LATS2: variants seen among roughly 807,000 people sequenced by gnomAD.
LATS2 encodes the protein serine/threonine-protein kinase LATS2.
In LATS2, 24 loss-of-function variants were observed where a neutral mutation model predicts 76.0. That is an observed-to-expected ratio of 0.32 (90% CI 0.23 to 0.44). The LOEUF is 0.44. LATS2 is among the 20% of genes least tolerant of loss of function. The pLI is 1.00. For missense variants in LATS2, 1,286 were observed against 1,481.2 expected, an observed-to-expected ratio of 0.87 and a Z score of 2.16; for synonymous variants, 692 against 635.4, an observed-to-expected ratio of 1.09 and a Z score of -1.34.
At chr13:21,004,947 G>T (rs147892150) in intron 2 of LATS2, among the ~76,000 whole-genome samples, 1 of 152,212 alleles carries the variant, frequency 6.6e-6, no homozygotes, top group Admixed American at 6.5e-5. Context: ...CCAAGGGACA[G>T]AGACCAGCCC....
At position 20,988,240 on chromosome 13, in the gene LATS2, G is replaced by C. The variant is rs760674320; in HGVS notation, c.1540C>G (p.Pro514Ala). The change falls in exon 4 of 8, where the codon CCG (proline) becomes GCG (alanine). Residue 514 changes from proline to alanine, a missense_variant. By Grantham distance (27) the Pro-to-Ala change is conservative. This residue lies in a region of LATS2 where 710 missense variants were observed against 660.9 expected (regional missense o/e 1.07). Coordinates refer to ENST00000382592, the MANE Select transcript of LATS2 (RefSeq NM_014572.3). ...AGGTGCTTCGGGTAGGGCGGAGGCG[G>C]GCACCTCCGGTCTGGGCCTCCGTAC... is the stretch of plus-strand genomic sequence containing the variant. ...VEYGGPDRRC[P>A]PPPYPKHLLL... 2 of 1,603,810 alleles carry C rather than the reference G, an allele frequency of 1.2e-6. No homozygotes were observed. Among genetic ancestry groups the C allele is most frequent in the Non-Finnish European group, 1.7e-6 (2 of 1,179,056 alleles).
chr13:21,032,202 A>G (rs1872550560), intron 2 of LATS2, among the ~76,000 whole-genome samples: 1 of 152,210 alleles, frequency 6.6e-6, no homozygotes, highest in Admixed American at 6.5e-5. Flanking sequence ...GGTAAGAGCT[A>G]TGTGCTGCAA....
At chr13:20,982,810 G>A (rs576645435) in intron 5 of LATS2, among the ~76,000 whole-genome samples, 4 of 150,126 alleles carry the variant, frequency 2.7e-5, no homozygotes, top group East Asian at 2.1e-4. Flanking sequence ...TGACCAACAC[G>A]GAGAAACCCC....
At chr13:21,008,640 G>A (rs1871451759) in intron 2 of LATS2, among the ~76,000 whole-genome samples, 1 of 152,218 alleles carries the variant, frequency 6.6e-6, no homozygotes, top group Admixed American at 6.5e-5. Flanking sequence ...AAAAATAAGA[G>A]AGCACTTCAC....
At chr13:20,998,024 G>A (rs926227322) in intron 2 of LATS2, among the ~76,000 whole-genome samples, 3 of 152,100 alleles carry the variant, frequency 2.0e-5, no homozygotes, top group Non-Finnish European at 4.4e-5. Context: ...TGGCCCTATC[G>A]TGTCTGCGTG....
intron 2 of LATS2, among the ~76,000 whole-genome samples, chr13:21,009,044 C>T (rs543064602): frequency 1.3e-5 from 2 of 152,346 alleles, no homozygotes; most frequent in African/African-American, 4.8e-5. Context: ...GTCCCACTGC[C>T]CATGCTCTTT....
chr13:21,000,178 G>A (rs1267718431), intron 2 of LATS2, among the ~76,000 whole-genome samples: 1 of 152,124 alleles, frequency 6.6e-6, no homozygotes, highest in African/African-American at 2.4e-5. Flanking sequence ...TTAGGAGATC[G>A]AGACCATCCT....
At chr13:21,010,201 A>ACAAAC (rs148603382) in intron 2 of LATS2, among the ~76,000 whole-genome samples, 34 of 150,726 alleles carry the variant, frequency 2.3e-4, no homozygotes, top group African/African-American at 7.1e-4. Flanking sequence ...CTCTGTCAAA[A>ACAAAC]AAACAAACAA....
intron 6 of LATS2, among the ~76,000 whole-genome samples, chr13:20,980,735 G>A (rs1172730671): frequency 2.6e-5 from 4 of 152,178 alleles, no homozygotes; most frequent in Non-Finnish European, 5.9e-5. Flanking sequence ...AGTAACTTGT[G>A]CTGGATTACC....
rs949592281 is a variant in LATS2 at position 21,035,272 on chromosome 13, A to G, written c.342+10413T>C. Reference sequence around the variant, plus strand: ...ATAATGGATGTGGCATTTTTTTTTTAATTTTGAAATTCATCATAACCCTAG... The same window carrying G: ...ATAATGGATGTGGCATTTTTTTTTTGATTTTGAAATTCATCATAACCCTAG... On this transcript the variant is annotated intron_variant, in intron 2 of 7. Coordinates refer to ENST00000382592, the MANE Select transcript of LATS2 (RefSeq NM_014572.3). Among the ~76,000 whole-genome samples the G allele has an allele frequency of 3.3e-5, 5 of 151,728 alleles. No homozygotes were observed. The South Asian group carries it at 1.0e-3, about 32-fold the overall frequency.
At position 20,991,105 on chromosome 13, in the gene LATS2, ACT is replaced by A. The variant is rs1239060967; in HGVS notation, c.475+165_475+166del. ...TTGGGGCTGCTCCCGCCAGGGCCTG[ACT>A]CTGTCAGGGCAGGGCAGGCTCAGCT... On this transcript the variant is annotated intron_variant, in intron 3 of 7. Coordinates refer to ENST00000382592, the MANE Select transcript of LATS2 (RefSeq NM_014572.3). This position sits in a 1 kb window ranked among gnomAD's most constrained non-coding sequence, Gnocchi z 4.9. Among the ~76,000 whole-genome samples the A allele has an allele frequency of 1.3e-5, 2 of 152,144 alleles. No individual in the cohort carries two copies. Among genetic ancestry groups the A allele is most frequent in the Non-Finnish European group, 2.9e-5 (2 of 68,026 alleles).
At chr13:21,006,311 C>A (rs1479640875) in intron 2 of LATS2, among the ~76,000 whole-genome samples, 2 of 152,102 alleles carry the variant, frequency 1.3e-5, no homozygotes, top group Non-Finnish European at 2.9e-5. Flanking sequence ...GCCCAAGACA[C>A]ACATGCAGCT....
At chr13:21,038,509 ATCTC>A (rs1420364764) in intron 2 of LATS2, 3 of 151,958 alleles carry the variant, frequency 2.0e-5, no homozygotes, top group Non-Finnish European at 2.9e-5. Context: ...CACCTATTTT[ATCTC>A]TCTCTTTCTT....
intron 5 of LATS2, 27 bp downstream of exon 5, chr13:20,983,197 G>C (rs758123390): frequency 1.4e-5 from 21 of 1,508,264 alleles, no homozygotes; most frequent in Non-Finnish European, 1.8e-5. Flanking sequence ...CACATAGAAA[G>C]TGCATGTGGC....
intron 1 of LATS2, among the ~76,000 whole-genome samples, chr13:21,049,975 GC>G (rs762794701): frequency 3.3e-5 from 5 of 151,934 alleles, no homozygotes; most frequent in Non-Finnish European, 5.9e-5. Context: ...ACAAAAATTA[GC>G]CAGGTGTGAC....
chr13:21,032,787 C>T (rs1411777026), intron 2 of LATS2, among the ~76,000 whole-genome samples: 2 of 152,036 alleles, frequency 1.3e-5, no homozygotes, highest in Non-Finnish European at 1.5e-5. Context: ...GATGAATGGC[C>T]GTAGAAGGCC....
At chr13:20,986,955 G>A (rs1870173520) in intron 4 of LATS2, among the ~76,000 whole-genome samples, 1 of 152,190 alleles carries the variant, frequency 6.6e-6, no homozygotes, top group South Asian at 2.1e-4. Flanking sequence ...CACTTGGGGA[G>A]GCCGAGGTGG....
At chr13:21,022,104 A>C (rs553519964) in intron 2 of LATS2, among the ~76,000 whole-genome samples, 1 of 152,342 alleles carries the variant, frequency 6.6e-6, no homozygotes, top group Admixed American at 6.5e-5. Context: ...TCTGAAAAAT[A>C]CCAATGCCCA....
chr13:21,004,887 A>G (rs1595228016), intron 2 of LATS2, among the ~76,000 whole-genome samples: 2 of 152,340 alleles, frequency 1.3e-5, no homozygotes, highest in East Asian at 1.9e-4. Context: ...ATAAGTAATT[A>G]CACAAAATCC....
Sources: gnomAD v4.1 joint callset for allele counts (sites outside exome capture counted in the v4.1 genomes callset) on GRCh38, gnomAD v4.1.1 for gene constraint, gnomAD v4.1.1 regional missense constraint, Gnocchi (gnomAD v3.1) non-coding constraint, MANE v1.5 for transcripts, NCBI Gene and HGNC (gene_info 2026-07-23, HGNC 2026-07-21) for gene names.